The following TGFB2 variants were observed in gnomAD, a reference collection of about 807,000 sequenced individuals.
TGFB2 encodes the protein transforming growth factor beta-2 proprotein.
In TGFB2, 13 loss-of-function variants were observed where a neutral mutation model predicts 42.7. That is an observed-to-expected ratio of 0.30 (90% confidence interval 0.20 to 0.48). The LOEUF is 0.48. TGFB2 is among the 20% of genes least tolerant of loss of function. TGFB2 has a pLI of 0.99. For synonymous variants in TGFB2, 193 were observed against 193.6 expected (o/e 1.00, Z 0.03); for missense variants, 390 against 517.5 (o/e 0.75, Z 2.39).
At chr1:218,384,821 T>C (rs1237273789) in intron 1 of TGFB2, among the ~76,000 whole-genome samples, 1 of 152,118 alleles carries the variant, frequency 6.6e-6, no homozygotes, top group Non-Finnish European at 1.5e-5. Flanking sequence ...ACATGAAACG[T>C]GGGGGATGAC....
intron 2 of TGFB2, among the ~76,000 whole-genome samples, chr1:218,423,091 G>A (rs970318481): frequency 6.6e-6 from 1 of 152,166 alleles, no homozygotes; most frequent in African/African-American, 2.4e-5. Flanking sequence ...ATTTGTTCCT[G>A]CTGTAGGTAA....
At chr1:218,418,250 T>G (rs1659344235) in intron 2 of TGFB2, among the ~76,000 whole-genome samples, 1 of 152,260 alleles carries the variant, frequency 6.6e-6, no homozygotes, top group African/African-American at 2.4e-5. Context: ...GGGAGCCCAC[T>G]TCTTGCATCA....
At chr1:218,357,805 C>T (rs921545640) in intron 1 of TGFB2, among the ~76,000 whole-genome samples, 4 of 152,112 alleles carry the variant, frequency 2.6e-5, no homozygotes, top group Non-Finnish European at 4.4e-5. Context: ...ATCTATATGT[C>T]GGTAATTATG....
At chr1:218,355,329 T>G (rs998228847) in intron 1 of TGFB2, among the ~76,000 whole-genome samples, 7 of 152,198 alleles carry the variant, frequency 4.6e-5, no homozygotes, top group African/African-American at 1.7e-4. Flanking sequence ...GCATGATGAC[T>G]TTGGAGCTGG....
intron 1 of TGFB2, among the ~76,000 whole-genome samples, chr1:218,362,738 A>G (rs559606044): frequency 6.6e-6 from 1 of 152,340 alleles, no homozygotes; most frequent in South Asian, 2.1e-4. Flanking sequence ...AGTGAAGTTC[A>G]AATTTTCCAG....
intron 2 of TGFB2, among the ~76,000 whole-genome samples, chr1:218,409,017 G>C (rs1298110632): frequency 6.6e-6 from 1 of 152,208 alleles, no homozygotes; most frequent in African/African-American, 2.4e-5. Context: ...ATTATCATAA[G>C]GAGCGTGCAA....
chr1:218,386,705 T>C (rs537922075), intron 1 of TGFB2, among the ~76,000 whole-genome samples: 4 of 152,252 alleles, frequency 2.6e-5, no homozygotes, highest in East Asian at 1.9e-4. Flanking sequence ...GCTCCTGTCT[T>C]GAGATTTGTG....
intron 1 of TGFB2, among the ~76,000 whole-genome samples, chr1:218,364,905 T>C (rs551181273): frequency 1.3e-5 from 2 of 152,350 alleles, no homozygotes; most frequent in Non-Finnish European, 2.9e-5. Flanking sequence ...TAAATTCTAA[T>C]TTTATTTCAC....
intron 2 of TGFB2, among the ~76,000 whole-genome samples, chr1:218,408,455 G>T (rs1341915918): frequency 1.3e-5 from 2 of 152,176 alleles, no homozygotes; most frequent in African/African-American, 2.4e-5. Context: ...GCATGGGCAC[G>T]TTCACTGTCA....
At chr1:218,433,945 A>C in intron 2 of TGFB2, 137 bp from the exon 3 acceptor site, 1 of 1,155,248 alleles carries the variant, frequency 8.7e-7, no homozygotes. Context: ...TGACCATGCA[A>C]TTGAGATGAC....
intron 1 of TGFB2, among the ~76,000 whole-genome samples, chr1:218,387,394 A>G (rs2102573872): frequency 6.6e-6 from 1 of 152,252 alleles, no homozygotes; most frequent in Admixed American, 6.5e-5. Context: ...TAAGAGAGAG[A>G]AAAGGATGGT....
At chr1:218,426,201 T>C (rs1407633541) in intron 2 of TGFB2, among the ~76,000 whole-genome samples, 1 of 152,212 alleles carries the variant, frequency 6.6e-6, no homozygotes, top group Non-Finnish European at 1.5e-5. Context: ...ATGTATGAAT[T>C]TGGAAAGTAA....
chr1:218,384,192 CTGTCT>C (rs1472091663), intron 1 of TGFB2, among the ~76,000 whole-genome samples: 1 of 151,412 alleles, frequency 6.6e-6, no homozygotes, highest in Non-Finnish European at 1.5e-5. Flanking sequence ...TTTTTAATAA[CTGTCT>C]TGTCACTCAT....
At chr1:218,435,108 G>C (rs1659929241) in intron 4 of TGFB2, among the ~76,000 whole-genome samples, 2 of 152,204 alleles carry the variant, frequency 1.3e-5, no homozygotes, top group African/African-American at 2.4e-5. Context: ...TGGATGATGA[G>C]AGGTGAGAGG....
intron 6 of TGFB2, among the ~76,000 whole-genome samples, chr1:218,440,380 A>C (rs1660114065): frequency 6.6e-6 from 1 of 152,008 alleles, no homozygotes; most frequent in Non-Finnish European, 1.5e-5. Context: ...GGATACCTTA[A>C]ATTGGCCTGA....
intron 2 of TGFB2, among the ~76,000 whole-genome samples, chr1:218,425,631 A>T (rs1294036290): frequency 1.3e-5 from 2 of 152,258 alleles, no homozygotes; most frequent in African/African-American, 2.4e-5. Context: ...TGGTTGTACA[A>T]ATATGAGGCA....
chr1:218,413,110 A>G (rs1659153474), intron 2 of TGFB2, among the ~76,000 whole-genome samples: 1 of 151,446 alleles, frequency 6.6e-6, no homozygotes, highest in Non-Finnish European at 1.5e-5. Flanking sequence ...GGTGGCTCAC[A>G]CCTATAATCC....
intron 2 of TGFB2, among the ~76,000 whole-genome samples, chr1:218,416,061 A>G (rs1659268810): frequency 6.6e-6 from 1 of 152,116 alleles, no homozygotes; most frequent in African/African-American, 2.4e-5. Context: ...TTTGGGGAAC[A>G]GCCATTGTTT....
chr1:218,364,348 C>A (rs1657316484), intron 1 of TGFB2, among the ~76,000 whole-genome samples: 1 of 152,164 alleles, frequency 6.6e-6, no homozygotes, highest in Admixed American at 6.5e-5. Flanking sequence ...AGTCCTCAAC[C>A]CTTTCTTATT....
Sources: gnomAD v4.1 joint callset for allele counts (sites outside exome capture counted in the v4.1 genomes callset) on GRCh38, gnomAD v4.1.1 for gene constraint, MANE v1.5 for transcripts, NCBI Gene and HGNC (gene_info 2026-07-23, HGNC 2026-07-21) for gene names.